Variants in CSMD1 observed in about 807,000 individuals in gnomAD.
The protein encoded by CSMD1 is CUB and Sushi multiple domains 1.
In CSMD1, 213 loss-of-function variants were observed where a neutral mutation model predicts 417.5. The observed-to-expected ratio is 0.51, with a 90% CI of 0.46 to 0.57. CSMD1 has a LOEUF of 0.57. Among genes scored for constraint, CSMD1 ranks in the 20% least tolerant of loss-of-function variants. The probability of loss-of-function intolerance (pLI) is 0.00; values close to 1 mark genes in which losing one functional copy is unlikely to be tolerated. For synonymous variants in CSMD1, 2,862 were observed against 1,736.8 expected (o/e 1.65, Z -16.11); for missense variants, 6,923 against 4,529.7 (o/e 1.53, Z -15.17).
At chr8:4,074,288 G>C (rs896238989) in intron 3 of CSMD1, among the ~76,000 whole-genome samples, 1 of 151,940 alleles carries the variant, frequency 6.6e-6, no homozygotes, top group African/African-American at 2.4e-5. Flanking sequence ...AACGGTGTCA[G>C]CTAAACAATG....
At chr8:4,167,396 T>C (rs997073333) in intron 3 of CSMD1, among the ~76,000 whole-genome samples, 7 of 152,188 alleles carry the variant, frequency 4.6e-5, no homozygotes, top group Admixed American at 4.6e-4. Context: ...TTAAATTTCA[T>C]AGGCTAAAGT....
At position 3,533,731 on chromosome 8, in the gene CSMD1, A is replaced by T. The variant is rs535115295; in HGVS notation, c.1345-40005T>A. ...GTGATGTATCATCCTGGAACTCAGT[A>T]CTAAGCTCCAAGGTGCTTGAGGCAT... On this transcript the variant is annotated intron_variant, in intron 10 of 69. Coordinates refer to ENST00000635120, the MANE Select transcript of CSMD1 (RefSeq NM_033225.6). Among the ~76,000 whole-genome samples, 32 of 152,320 alleles carry T rather than the reference A, an allele frequency of 2.1e-4. No individual in the cohort carries two copies. In the South Asian group the frequency reaches 2.3e-3, roughly 11 times the overall value.
intron 3 of CSMD1, among the ~76,000 whole-genome samples, chr8:4,344,098 C>G (rs956296810): frequency 6.6e-6 from 1 of 152,092 alleles, no homozygotes; most frequent in Non-Finnish European, 1.5e-5. Context: ...TATACCAGCA[C>G]CTCGAGTAAA....
rs74929334 is a variant in CSMD1, at chr8:4,381,043, A to T, written c.415+38910T>A. ...GGGCAAATGGGAAATGGGTTAAGGA[A>T]TATGTGAGTATTGTGGGTTATATTA... On this transcript the variant is annotated intron_variant, in intron 3 of 69. Transcript: ENST00000635120. 3.7e-3 allele frequency among the ~76,000 whole-genome samples: 566 copies of T among 152,280 alleles called. 23 individuals are homozygous for T. The East Asian group carries it at 0.096, about 26-fold the overall frequency.
intron 2 of CSMD1, among the ~76,000 whole-genome samples, chr8:4,543,100 C>T (rs1264403837): frequency 1.1e-4 from 17 of 152,142 alleles, no homozygotes; most frequent in Admixed American, 1.1e-3. Flanking sequence ...TTATCAACAT[C>T]CTGCATTAGT....
intron 5 of CSMD1, among the ~76,000 whole-genome samples, chr8:3,838,005 C>A (rs1585069793): frequency 6.6e-6 from 1 of 152,020 alleles, no homozygotes. Context: ...TTCTGATGCC[C>A]TCCCCAACTA....
chr8:4,641,895 T>A (rs1158081007), intron 1 of CSMD1, among the ~76,000 whole-genome samples: 1 of 152,234 alleles, frequency 6.6e-6, no homozygotes, highest in Non-Finnish European at 1.5e-5. Context: ...AACATAAACA[T>A]CACTCATAGT....
chr8:4,057,353 G>A (rs890206662), intron 3 of CSMD1, among the ~76,000 whole-genome samples: 8 of 151,948 alleles, frequency 5.3e-5, no homozygotes, highest in African/African-American at 1.2e-4. Context: ...GTCTGTTCAT[G>A]TCCTTCGCCT....
chr8:3,039,277 C>CTTCTT (rs1165077820), intron 50 of CSMD1, among the ~76,000 whole-genome samples: 31 of 122,248 alleles, frequency 2.5e-4, no homozygotes, highest in African/African-American at 7.6e-4. Flanking sequence ...TTGACCCTTC[C>CTTCTT]TTCCTTCTTT....
intron 3 of CSMD1, among the ~76,000 whole-genome samples, chr8:4,065,508 A>G (rs1279282969): frequency 1.3e-5 from 2 of 152,178 alleles, no homozygotes; most frequent in African/African-American, 4.8e-5. Context: ...ACACTGATTC[A>G]AAGTGAAGTT....
At chr8:3,839,368 T>A (rs1330789402) in intron 5 of CSMD1, among the ~76,000 whole-genome samples, 2 of 69,976 alleles carry the variant, frequency 2.9e-5, no homozygotes, top group African/African-American at 5.3e-5. Flanking sequence ...TAATATATAC[T>A]CTCTCTAGAT....
chr8:3,668,120 T>A (rs997126494), intron 7 of CSMD1, among the ~76,000 whole-genome samples: 3 of 152,046 alleles, frequency 2.0e-5, no homozygotes, highest in African/African-American at 7.2e-5. Flanking sequence ...GGAGAGAGCG[T>A]TGAACACAAT....
At chr8:3,436,866 G>T (rs145290344) in intron 12 of CSMD1, among the ~76,000 whole-genome samples, 1 of 152,198 alleles carries the variant, frequency 6.6e-6, no homozygotes. Flanking sequence ...GATTATTAGA[G>T]ATGAAAACAT....
chr8:4,934,635 T>C (rs1021659571), intron 1 of CSMD1, among the ~76,000 whole-genome samples: 25 of 139,024 alleles, frequency 1.8e-4, no homozygotes, highest in African/African-American at 5.7e-4. Flanking sequence ...TACCTATCTA[T>C]ATATCATGTA....
At chr8:4,171,151 C>T (rs530456646) in intron 3 of CSMD1, among the ~76,000 whole-genome samples, 2 of 151,996 alleles carry the variant, frequency 1.3e-5, no homozygotes, top group East Asian at 1.9e-4. Context: ...CTGCTTAGTG[C>T]CCATGCTGTT....
intron 3 of CSMD1, among the ~76,000 whole-genome samples, chr8:4,353,307 T>G (rs1008646012): frequency 6.6e-6 from 1 of 152,044 alleles, no homozygotes; most frequent in Non-Finnish European, 1.5e-5. Flanking sequence ...CTTCACAAGC[T>G]CTCTTCCCTG....
At chr8:4,747,033 G>A (rs184618567) in intron 1 of CSMD1, among the ~76,000 whole-genome samples, 35 of 152,248 alleles carry the variant, frequency 2.3e-4, no homozygotes, top group African/African-American at 7.7e-4. Flanking sequence ...CCACTGAGTA[G>A]GGAGGGCCTC....
intron 1 of CSMD1, among the ~76,000 whole-genome samples, chr8:4,974,669 G>C (rs963145823): frequency 1.3e-5 from 2 of 152,114 alleles, no homozygotes; most frequent in South Asian, 4.1e-4. Context: ...ACAAATAATG[G>C]TTAGACTCAG....
At chr8:4,782,444 A>G (rs1797202433) in intron 1 of CSMD1, among the ~76,000 whole-genome samples, 1 of 152,202 alleles carries the variant, frequency 6.6e-6, no homozygotes, top group South Asian at 2.1e-4. Context: ...TTTTCATTAC[A>G]TATAGAATTT....
Sources: allele counts gnomAD v4.1 joint callset (sites outside exome capture counted in the v4.1 genomes callset), GRCh38; gene constraint gnomAD v4.1.1; transcripts MANE v1.5; gene names NCBI Gene and HGNC (gene_info 2026-07-23, HGNC 2026-07-21).